The following SHISA9 variants were observed in gnomAD, a reference collection of about 807,000 sequenced individuals.
The protein encoded by SHISA9 is protein shisa-9.
A neutral mutation model predicts 38.0 loss-of-function variants in SHISA9; 13 were observed. The observed-to-expected ratio is 0.34, with a 90% confidence interval of 0.22 to 0.54. The LOEUF (loss-of-function observed/expected upper bound fraction) is 0.54, where lower values mean the gene tolerates loss of function less well. Ranked by LOEUF, SHISA9 falls within the 20% of genes least tolerant of loss-of-function variation. The pLI is 0.91. For missense variants in SHISA9, 538 were observed against 575.8 expected (o/e 0.93, Z 0.67); for synonymous variants, 275 against 242.0 (o/e 1.14, Z -1.27).
chr16:13,060,983 C>T (rs2073368501), intron 2 of SHISA9, among the ~76,000 whole-genome samples: 1 of 152,172 alleles, frequency 6.6e-6, no homozygotes, highest in Non-Finnish European at 1.5e-5. Flanking sequence ...GACACATTTC[C>T]ATGTCCCCTC....
the SHISA9 span, among the ~76,000 whole-genome samples, chr16:13,422,555 G>T: frequency 5.3e-5 from 8 of 152,122 alleles, no homozygotes; most frequent in Non-Finnish European, 8.8e-5. Context: ...AATTAGCTGG[G>T]CATGGTGGTG....
At chr16:13,136,952 C>G (rs916798434) in intron 2 of SHISA9, among the ~76,000 whole-genome samples, 1 of 152,138 alleles carries the variant, frequency 6.6e-6, no homozygotes, top group African/African-American at 2.4e-5. Context: ...AAGGTTTCTG[C>G]AAAAGCTTGT....
At chr16:13,360,355 A>C in the SHISA9 span, among the ~76,000 whole-genome samples, 1 of 152,078 alleles carries the variant, frequency 6.6e-6, no homozygotes, top group Non-Finnish European at 1.5e-5. Context: ...TCACCACCCA[A>C]ATCTCATCTT....
At chr16:12,985,676 A>C (rs900787112) in intron 2 of SHISA9, among the ~76,000 whole-genome samples, 5 of 152,210 alleles carry the variant, frequency 3.3e-5, no homozygotes, top group Non-Finnish European at 7.3e-5. Flanking sequence ...GTTTGGGATG[A>C]CAAACAGCTG....
In SHISA9 at chr16:13,218,506, C is replaced by T. The variant is rs116728866; in HGVS notation, c.895+5206C>T. ...GATTTGAGCTGGGGCCACAGCTGGA[C>T]GGTAACAGCATTGAAAGTGGATAGT... On this transcript the variant is annotated intron_variant, in intron 4 of 4. Coordinates refer to ENST00000558583, the MANE Select transcript of SHISA9 (RefSeq NM_001145204.3). Among the ~76,000 whole-genome samples the T allele has an allele frequency of 3.0e-3, 459 of 152,278 alleles. 6 individuals carry two copies. The highest frequency in any genetic ancestry group is 0.01 in the African/African-American group (425 of 41,550).
the SHISA9 span, among the ~76,000 whole-genome samples, chr16:13,251,585 T>C: frequency 6.6e-6 from 1 of 152,150 alleles, no homozygotes; most frequent in Non-Finnish European, 1.5e-5. Flanking sequence ...AAGTGATTTC[T>C]TCCAGCTCCT....
At chr16:12,967,742 A>C (rs980213803) in intron 2 of SHISA9, among the ~76,000 whole-genome samples, 1 of 152,036 alleles carries the variant, frequency 6.6e-6, no homozygotes, top group Non-Finnish European at 1.5e-5. Context: ...TCCTAAGTGT[A>C]GCTCCTAAAG....
At chr16:13,025,323 C>T (rs527677963) in intron 2 of SHISA9, among the ~76,000 whole-genome samples, 4 of 152,340 alleles carry the variant, frequency 2.6e-5, no homozygotes, top group South Asian at 4.1e-4. Context: ...GGACACACTG[C>T]AGACCTGCTG....
chr16:13,180,542 T>TA (rs1055704226), intron 2 of SHISA9, among the ~76,000 whole-genome samples: 1 of 151,976 alleles, frequency 6.6e-6, no homozygotes, highest in Non-Finnish European at 1.5e-5. Flanking sequence ...TATAAAAAAT[T>TA]AAAAAATTAG....
At chr16:12,916,582 T>C (rs1210675558) in intron 1 of SHISA9, 106 bp from the exon 2 acceptor site, 1 of 1,325,520 alleles carries the variant, frequency 7.5e-7, no homozygotes, top group Non-Finnish European at 1.0e-6. Context: ...GGTGGCTCCA[T>C]GGAGTAATCC....
chr16:12,931,352 A>G (rs1023594045), intron 2 of SHISA9, among the ~76,000 whole-genome samples: 3 of 152,168 alleles, frequency 2.0e-5, no homozygotes, highest in African/African-American at 7.2e-5. Context: ...GTGTGGTGCT[A>G]AGGTCCGGGG....
the SHISA9 span, among the ~76,000 whole-genome samples, chr16:13,389,556 A>G: frequency 6.6e-6 from 1 of 152,196 alleles, no homozygotes; most frequent in South Asian, 2.1e-4. Context: ...CAGTTTATTG[A>G]TTCACCTACT....
intron 2 of SHISA9, among the ~76,000 whole-genome samples, chr16:13,015,055 G>A (rs1189843954): frequency 6.6e-6 from 1 of 152,206 alleles, no homozygotes; most frequent in Non-Finnish European, 1.5e-5. Context: ...CATCATCAAA[G>A]CTACCATTTA....
chr16:13,130,412 TTTTG>T (rs141080123), intron 2 of SHISA9, among the ~76,000 whole-genome samples: 9,777 of 152,076 alleles, frequency 0.064, 360 homozygotes, highest in Admixed American at 0.09. Flanking sequence ...TTCTATGTTT[TTTTG>T]TTTGTTTGTT....
the SHISA9 span, among the ~76,000 whole-genome samples, chr16:13,357,627 T>C: frequency 2.0e-5 from 3 of 152,186 alleles, no homozygotes; most frequent in Admixed American, 6.5e-5. Context: ...GTGAGCAACA[T>C]GGCTGTTTAT....
the SHISA9 span, among the ~76,000 whole-genome samples, chr16:13,415,230 A>C: frequency 6.6e-6 from 1 of 152,252 alleles, no homozygotes; most frequent in Non-Finnish European, 1.5e-5. Flanking sequence ...AATGTGGTAC[A>C]TATACACCGT....
At chr16:13,023,829 T>A (rs1034228391) in intron 2 of SHISA9, among the ~76,000 whole-genome samples, 2 of 152,222 alleles carry the variant, frequency 1.3e-5, no homozygotes, top group Non-Finnish European at 2.9e-5. Context: ...CCTCTTTTTC[T>A]AAATGAGGTC....
At chr16:13,227,900 TAGTA>T (rs2051294799) in intron 4 of SHISA9, among the ~76,000 whole-genome samples, 1 of 152,204 alleles carries the variant, frequency 6.6e-6, no homozygotes, top group Non-Finnish European at 1.5e-5. Context: ...GCTTTGTGCC[TAGTA>T]AGTTGCCTAC....
rs200194973 is a variant in SHISA9, at chr16:12,968,189, C to CAAAAAAAAAA, written c.691+51402_691+51411dup. On this transcript the variant is annotated intron_variant, in intron 2 of 4. Coordinates refer to ENST00000558583, the MANE Select transcript of SHISA9 (RefSeq NM_001145204.3). ...TGGGTGACAGAGGAAGGCTCCATCT[C>CAAAAAAAAAA]AAAAAAAAAAAAAAAAAAAAAAAAA... Among the ~76,000 whole-genome samples the CAAAAAAAAAA allele has an allele frequency of 2.2e-4, 18 of 82,044 alleles. 2 individuals are homozygous for CAAAAAAAAAA. The highest frequency in any genetic ancestry group is 6.9e-4 in the African/African-American group (14 of 20,340). The allele number at this position is 82,044 out of a possible 152,430, so 53.8% of individuals were successfully genotyped here.
Sources: allele counts gnomAD v4.1 joint callset (sites outside exome capture counted in the v4.1 genomes callset), GRCh38; gene constraint gnomAD v4.1.1; transcripts MANE v1.5; gene names NCBI Gene and HGNC (gene_info 2026-07-23, HGNC 2026-07-21).